Variants in ADGRV1 observed in about 807,000 individuals in gnomAD.
ADGRV1 encodes G-protein coupled receptor 98.
Under a neutral mutation model 596.2 loss-of-function variants are expected in ADGRV1, and 359 were observed. That is an observed-to-expected ratio of 0.60 (90% CI 0.55 to 0.66). The LOEUF (loss-of-function observed/expected upper bound fraction) is 0.66, where lower values mean the gene tolerates loss of function less well. ADGRV1 is among the 30% of genes least tolerant of loss of function. The pLI, the probability that ADGRV1 is intolerant of heterozygous loss-of-function variation, is 0.00. For synonymous variants in ADGRV1, 2,681 were observed against 2,679.2 expected (o/e 1.00, Z -0.02); for missense variants, 7,274 against 7,575.6 (o/e 0.96, Z 1.48).
intron 75 of ADGRV1, among the ~76,000 whole-genome samples, chr5:90,822,702 C>T (rs978545561): frequency 6.6e-6 from 1 of 152,160 alleles, no homozygotes; most frequent in African/African-American, 2.4e-5. Flanking sequence ...GGCATTGAAT[C>T]TATAAATTAC....
intron 85 of ADGRV1, among the ~76,000 whole-genome samples, chr5:91,024,970 G>A (rs1026437543): frequency 3.9e-5 from 6 of 152,098 alleles, no homozygotes; most frequent in Admixed American, 3.3e-4. Flanking sequence ...AAGGTAAAAG[G>A]CTTTAGAGTT....
At chr5:91,026,343 A>C (rs1219856716) in intron 85 of ADGRV1, among the ~76,000 whole-genome samples, 1 of 152,182 alleles carries the variant, frequency 6.6e-6, no homozygotes, top group Non-Finnish European at 1.5e-5. Context: ...AGATCATTTC[A>C]CTGCTTTATT....
chr5:90,823,743 G>A (rs761572036), intron 76 of ADGRV1, 147 bp downstream of exon 76: 49 of 657,558 alleles, frequency 7.5e-5, no homozygotes, highest in Admixed American at 7.3e-4. Context: ...TCTCTTTGCC[G>A]ACAACAGGCT....
chr5:90,656,868 T>C (rs1256078026), intron 20 of ADGRV1, among the ~76,000 whole-genome samples: 1 of 152,158 alleles, frequency 6.6e-6, no homozygotes, highest in African/African-American at 2.4e-5. Context: ...ATGAAAAGGT[T>C]TGTTATTGAG....
At chr5:90,824,967 C>A (rs548659425) in intron 76 of ADGRV1, among the ~76,000 whole-genome samples, 2 of 152,022 alleles carry the variant, frequency 1.3e-5, no homozygotes, top group East Asian at 1.9e-4. Context: ...GGTGGAGTCT[C>A]ACTCTGTTGT....
intron 87 of ADGRV1, among the ~76,000 whole-genome samples, chr5:91,130,337 G>A (rs549464322): frequency 6.6e-5 from 10 of 151,484 alleles, no homozygotes; most frequent in South Asian, 2.1e-4. Context: ...TTCAAGACTA[G>A]CCTGGCCAAC....
rs991432992 is a variant in ADGRV1 at position 90,728,996 on chromosome 5, T to C, written c.10426+63T>C. The C allele has an allele frequency of 1.1e-5, 12 of 1,112,228 alleles. No individual in the cohort carries two copies. The African/African-American group carries it at 1.9e-4, about 18-fold the overall frequency. 68.9% of individuals were successfully genotyped at this position (1,112,228 alleles called of 1,614,324 possible). The stretch of plus-strand genomic sequence containing the variant: ...TTGAAATCATCTAGCATTCATATGG[T>C]ATATTTTATATGAAAATGCTCTTGC... On this transcript the variant is annotated intron_variant, in intron 49 of 89. Transcript: ENST00000405460.
chr5:90,930,842 T>C (rs761163195), intron 83 of ADGRV1, among the ~76,000 whole-genome samples: 1 of 152,166 alleles, frequency 6.6e-6, no homozygotes, highest in Non-Finnish European at 1.5e-5. Context: ...CTGCATAATA[T>C]AGAATATCCA....
At chr5:90,600,035 C>T (rs552605377) in intron 1 of ADGRV1, among the ~76,000 whole-genome samples, 11 of 152,162 alleles carry the variant, frequency 7.2e-5, no homozygotes, top group Admixed American at 4.6e-4. Flanking sequence ...GTAAATGGCT[C>T]CTGGTAGTGA....
chr5:90,612,591 C>T (rs1407462645), intron 1 of ADGRV1, among the ~76,000 whole-genome samples: 2 of 151,926 alleles, frequency 1.3e-5, no homozygotes, highest in African/African-American at 2.4e-5. Flanking sequence ...ATGCTATGCT[C>T]GCCTTCTTCA....
intron 85 of ADGRV1, among the ~76,000 whole-genome samples, chr5:91,023,589 A>G (rs1316563223): frequency 6.6e-6 from 1 of 152,118 alleles, no homozygotes; most frequent in East Asian, 1.9e-4. Flanking sequence ...CTCTAGTATC[A>G]GGTTTGGAAA....
At chr5:90,984,771 C>A (rs1780346204) in intron 84 of ADGRV1, among the ~76,000 whole-genome samples, 1 of 152,106 alleles carries the variant, frequency 6.6e-6, no homozygotes. Context: ...GAAACATGGA[C>A]CACAAAATGA....
intron 1 of ADGRV1, among the ~76,000 whole-genome samples, chr5:90,576,804 A>G (rs1757286465): frequency 6.6e-6 from 1 of 152,226 alleles, no homozygotes; most frequent in Non-Finnish European, 1.5e-5. Flanking sequence ...AATGATTGCC[A>G]TTCTGACTGG....
intron 77 of ADGRV1, among the ~76,000 whole-genome samples, chr5:90,832,730 A>C (rs931404327): frequency 2.0e-5 from 3 of 152,174 alleles, no homozygotes; most frequent in Non-Finnish European, 4.4e-5. Flanking sequence ...TTGAGATCTT[A>C]AATTTAAGTC....
chr5:90,658,126 G>T lies in ADGRV1; in HGVS notation c.4600G>T (p.Asp1534Tyr). 6.2e-7 allele frequency: 1 copy of T among 1,613,752 alleles called. No homozygotes were observed. The highest frequency in any genetic ancestry group is 8.5e-7 in the Non-Finnish European group (1 of 1,179,736). ...SFIISARDDN[D>Y]EEGEELFILK... ...CATTATTTCTGCAAGAGATGACAAT[G>T]ACGAGGAAGGAGAAGAATTATTCAT... Residue 1534 changes from aspartate (D) to tyrosine (Y), a missense_variant, in exon 21 of 90, where the codon GAC becomes TAC. Coordinates refer to ENST00000405460, the MANE Select transcript of ADGRV1 (RefSeq NM_032119.4).
At chr5:90,755,231 C>A (rs758863475) in intron 55 of ADGRV1, 46 bp downstream of exon 55, 11 of 1,286,802 alleles carry the variant, frequency 8.5e-6, no homozygotes, top group Admixed American at 2.3e-5. Flanking sequence ...GAGGAAAATT[C>A]TCTTAAGTAA....
intron 29 of ADGRV1, among the ~76,000 whole-genome samples, chr5:90,687,482 C>G (rs1176544903): frequency 6.6e-6 from 1 of 152,088 alleles, no homozygotes; most frequent in African/African-American, 2.4e-5. Flanking sequence ...CCTTTGAAAA[C>G]TGGCACAAGA....
intron 85 of ADGRV1, among the ~76,000 whole-genome samples, chr5:91,026,585 G>A (rs1448690955): frequency 6.6e-6 from 1 of 152,034 alleles, no homozygotes; most frequent in African/African-American, 2.4e-5. Flanking sequence ...GAGGGAAAGT[G>A]GAAGCTCTTA....
At chr5:90,715,610 G>C (rs148730855) in intron 42 of ADGRV1, among the ~76,000 whole-genome samples, 1 of 151,116 alleles carries the variant, frequency 6.6e-6, no homozygotes, top group Non-Finnish European at 1.5e-5. Flanking sequence ...TTTACATTAG[G>C]CTAATTTCTA....
Sources: gnomAD v4.1 joint callset for allele counts (sites outside exome capture counted in the v4.1 genomes callset) on GRCh38, gnomAD v4.1.1 for gene constraint, MANE v1.5 for transcripts, NCBI Gene and HGNC (gene_info 2026-07-23, HGNC 2026-07-21) for gene names.